PTPRO: variants seen among roughly 807,000 people sequenced by gnomAD.
The protein encoded by PTPRO is protein tyrosine phosphatase receptor type O.
PTPRO carries 62 observed loss-of-function variants against 145.2 expected under a neutral mutation model. The observed-to-expected ratio is 0.43, with a 90% CI of 0.35 to 0.53. The LOEUF (loss-of-function observed/expected upper bound fraction) is 0.53. Ranked by LOEUF, PTPRO falls within the 20% of genes least tolerant of loss-of-function variation. The probability of loss-of-function intolerance (pLI) is 0.01; values close to 1 mark genes in which losing one functional copy is unlikely to be tolerated. For missense variants in PTPRO, 1,345 were observed against 1,482.7 expected (o/e 0.91, Z 1.53); for synonymous variants, 565 against 514.7 (o/e 1.10, Z -1.32).
intron 1 of PTPRO, among the ~76,000 whole-genome samples, chr12:15,379,248 G>C (rs1299708222): frequency 6.6e-6 from 1 of 151,796 alleles, no homozygotes; most frequent in South Asian, 2.1e-4. Context: ...GACCAGGTGC[G>C]CTGGCTCATG....
At chr12:15,538,977 A>G (rs1943122997) in intron 12 of PTPRO, among the ~76,000 whole-genome samples, 1 of 152,332 alleles carries the variant, frequency 6.6e-6, no homozygotes, top group Non-Finnish European at 1.5e-5. Flanking sequence ...TCCATACCTG[A>G]GTTCAGAATA....
intron 1 of PTPRO, among the ~76,000 whole-genome samples, chr12:15,365,410 G>GTT (rs951899491): frequency 6.6e-6 from 1 of 151,210 alleles, no homozygotes; most frequent in African/African-American, 2.5e-5. Flanking sequence ...GGCTATATAT[G>GTT]TTTATATATA....
intron 1 of PTPRO, among the ~76,000 whole-genome samples, chr12:15,416,265 CAT>C (rs1304694816): frequency 6.6e-6 from 1 of 151,384 alleles, no homozygotes; most frequent in Non-Finnish European, 1.5e-5. Context: ...ATGTTTCCCA[CAT>C]GTCATGATTA....
chr12:15,533,538 G>A (rs1362703957), intron 12 of PTPRO, among the ~76,000 whole-genome samples: 4 of 152,072 alleles, frequency 2.6e-5, no homozygotes, highest in South Asian at 2.1e-4. Context: ...TGAAATTGCG[G>A]ACCTCAAAGT....
intron 1 of PTPRO, among the ~76,000 whole-genome samples, chr12:15,336,271 T>C (rs1346319722): frequency 5.9e-5 from 9 of 152,172 alleles, no homozygotes; most frequent in Non-Finnish European, 1.2e-4. Flanking sequence ...CTATACATGC[T>C]TTTTTCACTT....
intron 1 of PTPRO, among the ~76,000 whole-genome samples, chr12:15,382,212 G>A (rs557445301): frequency 2.4e-4 from 36 of 150,804 alleles, no homozygotes; most frequent in African/African-American, 8.0e-4. Flanking sequence ...AAAGCCTGAC[G>A]CATCTTGGTA....
chr12:15,443,648 A>T (rs1019963150), intron 1 of PTPRO, among the ~76,000 whole-genome samples: 2 of 152,176 alleles, frequency 1.3e-5, no homozygotes, highest in Non-Finnish European at 2.9e-5. Context: ...ACAATTGAAC[A>T]AGCAAAAAAC....
In PTPRO at chr12:15,442,495, G is replaced by A. The variant is rs1248371067; in HGVS notation, c.76-41479G>A. Among the ~76,000 whole-genome samples the A allele has an allele frequency of 3.3e-5, 5 of 152,110 alleles. No homozygotes were observed. In the East Asian group the frequency reaches 5.8e-4, roughly 18 times the overall value. On this transcript the variant is annotated intron_variant, in intron 1 of 26. Coordinates refer to ENST00000281171, the MANE Select transcript of PTPRO (RefSeq NM_030667.3). ...AACATAGTACTGGAATTGGTAGCCA[G>A]AGCAATCAGGCAACAGAAAGAAATA...
chr12:15,490,344 G>A (rs988102777), intron 2 of PTPRO, among the ~76,000 whole-genome samples: 1 of 152,010 alleles, frequency 6.6e-6, no homozygotes, highest in African/African-American at 2.4e-5. Flanking sequence ...TGCTTTGAGG[G>A]CCATACAGAC....
chr12:15,500,264 T>C lies in PTPRO; in HGVS notation c.661+670T>C, dbSNP rs982265303. Among the ~76,000 whole-genome samples the C allele has an allele frequency of 5.3e-5, 8 of 152,196 alleles. No homozygotes were observed. In the East Asian group the frequency reaches 5.8e-4, roughly 11 times the overall value. ...GATGAGCATCAGGAAGGGATTATGA[T>C]AGATTACTTCTAAGGTCTTGACAAT... On this transcript the variant is annotated intron_variant, in intron 4 of 26. Coordinates refer to ENST00000281171, the MANE Select transcript of PTPRO (RefSeq NM_030667.3).
At chr12:15,527,876 C>CCCGCCCACCACCCCG (rs1049197234) in intron 12 of PTPRO, among the ~76,000 whole-genome samples, 2 of 56,590 alleles carry the variant, frequency 3.5e-5, no homozygotes, top group Non-Finnish European at 7.2e-5. Context: ...GGAACTGTGA[C>CCCGCCCACCACCCCG]CCGCCCACGC....
intron 5 of PTPRO, among the ~76,000 whole-genome samples, chr12:15,502,962 C>A (rs1224125775): frequency 1.3e-5 from 2 of 152,004 alleles, no homozygotes; most frequent in African/African-American, 4.8e-5. Context: ...ATTGTTTACT[C>A]CTATTTTACT....
At chr12:15,459,272 G>A (rs746620145) in intron 1 of PTPRO, among the ~76,000 whole-genome samples, 5 of 152,074 alleles carry the variant, frequency 3.3e-5, no homozygotes, top group Admixed American at 6.6e-5. Flanking sequence ...GATGGGGGCC[G>A]GCATGCTAGT....
At chr12:15,522,547 A>AC (rs1942747095) in intron 10 of PTPRO, among the ~76,000 whole-genome samples, 1 of 151,910 alleles carries the variant, frequency 6.6e-6, no homozygotes, top group Admixed American at 6.6e-5. Context: ...TGTGTGTGTG[A>AC]TTTTTTTTAC....
intron 1 of PTPRO, among the ~76,000 whole-genome samples, chr12:15,387,080 T>A (rs1565600782): frequency 6.6e-6 from 1 of 152,154 alleles, no homozygotes; most frequent in Non-Finnish European, 1.5e-5. Flanking sequence ...GCCAAATCTG[T>A]TTCAGAATTA....
Position 15,526,230 on chromosome 12 carries a change from G to T in PTPRO, c.2132G>T (p.Ser711Ile). 6.2e-7 allele frequency: 1 copy of T among 1,614,000 alleles called. No homozygotes were observed. Among genetic ancestry groups the T allele is most frequent in the Non-Finnish European group, 8.5e-7 (1 of 1,179,932 alleles). The change falls in exon 12 of 27, where the codon AGT (serine) becomes ATT (isoleucine). Residue 711 changes from serine (S) to isoleucine (I), a missense_variant. Ser to Ile is a moderately radical substitution (Grantham distance 142). This residue lies in a region of PTPRO where 1,130 missense variants were observed against 1,214.7 expected (regional missense o/e 0.93). Coordinates refer to ENST00000281171, the MANE Select transcript of PTPRO (RefSeq NM_030667.3). ...LSVTACTERGSNTSMLRLVKL... is the reference protein window; with the variant it reads ...LSVTACTERGINTSMLRLVKL... ...GTAACTGCTTGTACTGAAAGAGGAA[G>T]TAATACCTCCATGCTCCGCCTTGTC...
intron 1 of PTPRO, among the ~76,000 whole-genome samples, chr12:15,408,475 C>T (rs942049834): frequency 2.0e-5 from 3 of 152,128 alleles, no homozygotes; most frequent in Admixed American, 2.0e-4. Flanking sequence ...GTCGCCCAGG[C>T]TGGTGTGCAG....
chr12:15,345,611 G>T (rs1867177482), intron 1 of PTPRO, among the ~76,000 whole-genome samples: 1 of 152,048 alleles, frequency 6.6e-6, no homozygotes, highest in Non-Finnish European at 1.5e-5. Flanking sequence ...CCTGTCGGGG[G>T]GTGGGGGGTT....
intron 10 of PTPRO, among the ~76,000 whole-genome samples, chr12:15,523,860 G>A (rs373984451): frequency 6.6e-6 from 1 of 151,902 alleles, no homozygotes; most frequent in Non-Finnish European, 1.5e-5. Context: ...TGCAGTGGCA[G>A]GCTCATGCCT....
Sources: allele counts gnomAD v4.1 joint callset (sites outside exome capture counted in the v4.1 genomes callset), GRCh38; gene constraint gnomAD v4.1.1; regional missense constraint gnomAD v4.1.1; transcripts MANE v1.5; gene names NCBI Gene and HGNC (gene_info 2026-07-23, HGNC 2026-07-21).